COL4A3: variants seen among roughly 807,000 people sequenced by gnomAD.
COL4A3 encodes the protein collagen type IV alpha 3 chain.
A neutral mutation model predicts 217.4 loss-of-function variants in COL4A3; 135 were observed. That is an observed-to-expected ratio of 0.62 (90% CI 0.54 to 0.72). The LOEUF (loss-of-function observed/expected upper bound fraction) is 0.72, where lower values mean the gene tolerates loss of function less well. COL4A3 is among the 30% of genes least tolerant of loss of function. The pLI is 0.00. For synonymous variants in COL4A3, 690 were observed against 736.3 expected, an observed-to-expected ratio of 0.94 and a Z score of 1.02; for missense variants, 1,868 against 2,119.9, an observed-to-expected ratio of 0.88 and a Z score of 2.33.
chr2:227,281,580 T>C (rs551934188), intron 31 of COL4A3: 2 of 155,196 alleles, frequency 1.3e-5, no homozygotes, highest in Non-Finnish European at 2.9e-5. Flanking sequence ...GAAAAATGTA[T>C]TTAGAAATCA....
intron 1 of COL4A3, among the ~76,000 whole-genome samples, chr2:227,203,759 A>G (rs543675212): frequency 0.12 from 6,146 of 50,786 alleles, 1,433 homozygotes; most frequent in African/African-American, 0.22. Flanking sequence ...ATATGTGTGT[A>G]TATATGTGTA....
At chr2:227,170,490 A>T (rs1219225376) in intron 1 of COL4A3, among the ~76,000 whole-genome samples, 2 of 152,168 alleles carry the variant, frequency 1.3e-5, no homozygotes, top group Non-Finnish European at 2.9e-5. Context: ...GCAAGAGGGA[A>T]AGAGACCCAA....
At chr2:227,216,941 G>A (rs1419176049) in intron 1 of COL4A3, among the ~76,000 whole-genome samples, 1 of 152,154 alleles carries the variant, frequency 6.6e-6, no homozygotes, top group Non-Finnish European at 1.5e-5. Flanking sequence ...CTCAAATCCT[G>A]TGTCCAAATG....
chr2:227,257,376 C>A (rs565036858), intron 17 of COL4A3, among the ~76,000 whole-genome samples: 85 of 152,298 alleles, frequency 5.6e-4, no homozygotes, highest in Admixed American at 2.3e-3. Context: ...ACCTGGAGAA[C>A]CACCAGGGCA....
Position 227,191,074 on chromosome 2 carries a change from C to CT in COL4A3, c.87+26267dup, listed in dbSNP as rs1227281732. 2.6e-5 allele frequency among the ~76,000 whole-genome samples: 4 copies of CT among 152,062 alleles called. No individual in the cohort carries two copies. The highest frequency in any genetic ancestry group is 2.1e-4 in the South Asian group (1 of 4,810). ...GGTTATTATATATGAAATTTTATGT[C>CT]TTTTTTCTCTTAAAAATAGACTACA... On this transcript the variant is annotated intron_variant, in intron 1 of 51. Transcript: ENST00000396578. This position sits in a 1 kb window ranked among gnomAD's most constrained non-coding sequence, Gnocchi z 6.8.
At chr2:227,245,747 A>T (rs553940311) in intron 5 of COL4A3, 1 of 624,288 alleles carries the variant, frequency 1.6e-6, no homozygotes, top group African/African-American at 1.8e-5. Context: ...AAATATCCAC[A>T]TCTCATTTGA....
chr2:227,294,445 T>C, intron 38 of COL4A3, 45 bp from the exon 39 acceptor site: 1 of 1,194,428 alleles, frequency 8.4e-7, no homozygotes, highest in Non-Finnish European at 1.3e-6. Context: ...TAATCATTTA[T>C]CTTTTGGTGA....
intron 31 of COL4A3, among the ~76,000 whole-genome samples, chr2:227,281,407 C>A (rs12052743): frequency 0.13 from 20,102 of 151,836 alleles, 1,325 homozygotes; most frequent in Non-Finnish European, 0.15. Flanking sequence ...GCAATGATAC[C>A]AGTTTAAAAA....
At chr2:227,284,467 C>T in intron 34 of COL4A3, 122 bp downstream of exon 34, 1 of 1,110,310 alleles carries the variant, frequency 9.0e-7, no homozygotes, top group Non-Finnish European at 1.3e-6. Context: ...GTTACCTGCC[C>T]ATCACACAGC....
At chr2:227,293,756 G>A (rs1350277999) in intron 38 of COL4A3, 2 of 469,732 alleles carry the variant, frequency 4.3e-6, no homozygotes, top group South Asian at 1.6e-5. Context: ...CAGCAGCTCC[G>A]AGTCTGTGAT....
chr2:227,267,989 C>T (rs1460108069), intron 23 of COL4A3, among the ~76,000 whole-genome samples: 1 of 152,170 alleles, frequency 6.6e-6, no homozygotes, highest in African/African-American at 2.4e-5. Flanking sequence ...CTTTGAAGTA[C>T]AAAACGTCTC....
In COL4A3 at chr2:227,290,900, T is replaced by C; in HGVS notation, c.3210+14T>C. On this transcript the variant is annotated intron_variant, in intron 37 of 51. Coordinates refer to ENST00000396578, the MANE Select transcript of COL4A3 (RefSeq NM_000091.5). ...CCGGGACCAACGGTATATAGGCCACTGAAATATTTACATTTTAGTGGTGGA... is the reference window on the plus strand; with the variant it reads ...CCGGGACCAACGGTATATAGGCCACCGAAATATTTACATTTTAGTGGTGGA... The C allele has an allele frequency of 3.7e-6, 6 of 1,607,374 alleles. No homozygotes were observed. Among genetic ancestry groups the C allele is most frequent in the Non-Finnish European group, 5.1e-6 (6 of 1,177,644 alleles).
chr2:227,206,757 T>C (rs749956475), intron 1 of COL4A3, among the ~76,000 whole-genome samples: 1 of 152,152 alleles, frequency 6.6e-6, no homozygotes, highest in Non-Finnish European at 1.5e-5. Context: ...GATCACAGGG[T>C]AGCAATAACG....
chr2:227,313,452 T>C lies in COL4A3; in HGVS notation c.*1582T>C, dbSNP rs1166113570. 1 of 152,666 alleles carries C rather than the reference T, an allele frequency of 6.6e-6. No homozygotes were observed. Among genetic ancestry groups the C allele is most frequent in the African/African-American group, 2.4e-5 (1 of 41,458 alleles). The allele number at this position is 152,666 out of a possible 1,614,324, so 9.5% of individuals were successfully genotyped here. A position where few individuals can be genotyped will look rare whatever the true frequency, so the allele number is the denominator to read the frequency against. On this transcript the variant is annotated 3_prime_UTR_variant, in exon 52 of 52. Coordinates refer to ENST00000396578, the MANE Select transcript of COL4A3 (RefSeq NM_000091.5). ...ACAAAACATTAAACTAGTGTTATAC[T>C]TGATGATAACACTATTTGATGAGTC...
intron 34 of COL4A3, among the ~76,000 whole-genome samples, chr2:227,288,949 G>GGGTTTTTTTTTTTTTTTTTTTTTTT: frequency 8.7e-6 from 1 of 115,486 alleles, no homozygotes; most frequent in African/African-American, 3.4e-5. Flanking sequence ...TTTTTGTTTT[G>GGGTTTTTTTTTTTTTTTTTTTTTTT]GGTTTTTTTT....
chr2:227,294,407 T>C (rs2072929581), intron 38 of COL4A3, 83 bp from the exon 39 acceptor site: 6 of 960,600 alleles, frequency 6.2e-6, no homozygotes, highest in Admixed American at 1.7e-5. Flanking sequence ...TGGTTGACTA[T>C]AAAAACAGAC....
At chr2:227,283,992 A>G (rs2106172997) in intron 33 of COL4A3, 136 bp downstream of exon 33, 1 of 997,656 alleles carries the variant, frequency 1.0e-6, no homozygotes, top group Non-Finnish European at 1.5e-6. Flanking sequence ...GCTGTTTTCT[A>G]TGTTCCTTTT....
intron 26 of COL4A3, among the ~76,000 whole-genome samples, chr2:227,275,801 C>G (rs1205653610): frequency 6.6e-6 from 1 of 152,148 alleles, no homozygotes; most frequent in Non-Finnish European, 1.5e-5. Flanking sequence ...TGTTCAATAG[C>G]CTTCCTGTGG....
chr2:227,298,573 T>C (rs1223522024), intron 42 of COL4A3, 109 bp from the exon 43 acceptor site: 2 of 1,465,108 alleles, frequency 1.4e-6, no homozygotes, highest in Middle Eastern at 2.3e-4. Context: ...AAAGAATGTT[T>C]GTGGCAATGC....
Sources: gnomAD v4.1 joint callset for allele counts (sites outside exome capture counted in the v4.1 genomes callset) on GRCh38, gnomAD v4.1.1 for gene constraint, Gnocchi (gnomAD v3.1) non-coding constraint, MANE v1.5 for transcripts, NCBI Gene and HGNC (gene_info 2026-07-23, HGNC 2026-07-21) for gene names.